Variants in PCDHA12 observed in about 807,000 individuals in gnomAD.
PCDHA12 encodes protocadherin alpha 12.
In PCDHA12, 44 loss-of-function variants were observed where a neutral mutation model predicts 60.0. The ratio of observed to expected loss-of-function variants is 0.73; its 90% CI spans 0.58 to 0.94. PCDHA12 has a LOEUF of 0.94. Ranked by LOEUF, PCDHA12 falls within the 40% of genes least tolerant of loss-of-function variation. The pLI is 0.00. For missense variants in PCDHA12, 1,276 were observed against 1,239.7 expected, an observed-to-expected ratio of 1.03 and a Z score of -0.44; for synonymous variants, 569 against 553.0, an observed-to-expected ratio of 1.03 and a Z score of -0.40.
chr5:140,988,418 G>T (rs1372180292), intron 3 of PCDHA12, among the ~76,000 whole-genome samples: 2 of 152,150 alleles, frequency 1.3e-5, no homozygotes, highest in Non-Finnish European at 2.9e-5. Context: ...CTTATGTAAA[G>T]AATTTGTTTG....
intron 1 of PCDHA12, among the ~76,000 whole-genome samples, chr5:140,890,832 T>G (rs1554184561): frequency 6.6e-6 from 1 of 152,220 alleles, no homozygotes; most frequent in African/African-American, 2.4e-5. Context: ...ACTTACATAT[T>G]TACCAGTTTT....
rs1554167865 is a variant in PCDHA12 at position 140,875,688 on chromosome 5, G to A, written c.216G>A (p.Gly72=). 7 of 1,614,004 alleles carry A rather than the reference G, an allele frequency of 4.3e-6. No homozygotes were observed. The highest frequency in any genetic ancestry group is 4.2e-6 in the Non-Finnish European group (5 of 1,180,034). ...RLFRVASKRH[G]DLLEVNLQNG... ...TCCGGGTGGCGTCCAAAAGACACGG[G>A]GACCTTCTGGAGGTAAATCTGCAGA... Residue 72 remains glycine, a synonymous_variant, in exon 1 of 4, where the codon GGG becomes GGA. Transcript: ENST00000398631.
intron 3 of PCDHA12, among the ~76,000 whole-genome samples, chr5:141,006,271 G>T (rs2098264486): frequency 6.6e-6 from 1 of 151,918 alleles, no homozygotes; most frequent in Non-Finnish European, 1.5e-5. Context: ...GACTGCAGTG[G>T]CACGATCTCA....
intron 1 of PCDHA12, chr5:140,927,274 G>T: frequency 6.2e-7 from 1 of 1,614,100 alleles, no homozygotes; most frequent in Non-Finnish European, 8.5e-7. Context: ...TCCTGCCGGC[G>T]ACGTGCAGCT....
At chr5:140,927,399 TC>T (rs781939330) in intron 1 of PCDHA12, 1 of 1,614,076 alleles carries the variant, frequency 6.2e-7, no homozygotes. Context: ...GTCAGCACTT[TC>T]GCCTGGACAT....
intron 1 of PCDHA12, among the ~76,000 whole-genome samples, chr5:140,948,690 T>C (rs1241278993): frequency 6.6e-6 from 1 of 151,592 alleles, no homozygotes; most frequent in Non-Finnish European, 1.5e-5. Context: ...TTTTTGATAT[T>C]GGTGATTTGT....
At chr5:140,961,083 T>C (rs1470868954) in intron 1 of PCDHA12, among the ~76,000 whole-genome samples, 1 of 152,198 alleles carries the variant, frequency 6.6e-6, no homozygotes, top group Non-Finnish European at 1.5e-5. Context: ...ATCAAGTAAT[T>C]GTTGACTTTT....
intron 1 of PCDHA12, among the ~76,000 whole-genome samples, chr5:140,888,313 G>C (rs1434881975): frequency 6.6e-6 from 1 of 152,154 alleles, no homozygotes; most frequent in Non-Finnish European, 1.5e-5. Context: ...ATTTGGCAAT[G>C]CCTGGATACA....
intron 1 of PCDHA12, chr5:140,883,300 T>C (rs782541976): frequency 6.2e-7 from 1 of 1,613,974 alleles, no homozygotes; most frequent in African/African-American, 1.3e-5. Flanking sequence ...TAGATGTAAA[T>C]GATAACGCCC....
intron 1 of PCDHA12, among the ~76,000 whole-genome samples, chr5:140,942,396 A>G (rs1172739397): frequency 6.6e-6 from 1 of 151,922 alleles, no homozygotes; most frequent in Admixed American, 6.6e-5. Flanking sequence ...TGGGCGACAG[A>G]TGAGACTCTG....
chr5:140,979,122 T>C (rs1271679977), intron 2 of PCDHA12, 115 bp downstream of exon 2: 2 of 1,493,778 alleles, frequency 1.3e-6, no homozygotes, highest in African/African-American at 2.8e-5. Flanking sequence ...TTAGGTACTT[T>C]GCCAGGAAAA....
intron 1 of PCDHA12, among the ~76,000 whole-genome samples, chr5:140,901,939 A>G (rs1583441166): frequency 6.6e-6 from 1 of 151,884 alleles, no homozygotes; most frequent in Non-Finnish European, 1.5e-5. Flanking sequence ...TCCTAGGTAT[A>G]TTTAGTTTTA....
chr5:140,986,291 A>C (rs1554247870), intron 3 of PCDHA12, among the ~76,000 whole-genome samples: 1 of 152,142 alleles, frequency 6.6e-6, no homozygotes, highest in East Asian at 1.9e-4. Context: ...CTTGAGACTG[A>C]GCAGAGAGAG....
chr5:140,929,528 T>C, intron 1 of PCDHA12: 1 of 693,446 alleles, frequency 1.4e-6, no homozygotes, highest in African/African-American at 1.9e-5. Context: ...TAGTTTATTT[T>C]TGAGAAACAA....
intron 1 of PCDHA12, among the ~76,000 whole-genome samples, chr5:140,947,554 G>T (rs977454594): frequency 1.3e-5 from 2 of 151,358 alleles, no homozygotes; most frequent in Non-Finnish European, 3.0e-5. Flanking sequence ...AATTCCGCTG[G>T]GATTTATATT....
chr5:140,901,611 T>C (rs1261733801), intron 1 of PCDHA12, among the ~76,000 whole-genome samples: 1 of 152,204 alleles, frequency 6.6e-6, no homozygotes, highest in Non-Finnish European at 1.5e-5. Flanking sequence ...ATCTCTATGG[T>C]ATAATTTGAA....
intron 3 of PCDHA12, among the ~76,000 whole-genome samples, chr5:140,989,670 C>T (rs907417768): frequency 6.6e-6 from 1 of 152,104 alleles, no homozygotes; most frequent in African/African-American, 2.4e-5. Flanking sequence ...GAAACTCTGC[C>T]CAGATTTCAA....
At chr5:140,989,829 C>A (rs1554251113) in intron 3 of PCDHA12, among the ~76,000 whole-genome samples, 3 of 152,124 alleles carry the variant, frequency 2.0e-5, no homozygotes, top group Non-Finnish European at 2.9e-5. Context: ...TGCCAGGAAG[C>A]CTGTCAATGA....
At chr5:140,881,393 A>T (rs1216651655) in intron 1 of PCDHA12, 1 of 979,528 alleles carries the variant, frequency 1.0e-6, no homozygotes, top group African/African-American at 1.8e-5. Context: ...GGTAAGTTAA[A>T]TTCTATTAAA....
Sources: gnomAD v4.1 joint callset for allele counts (sites outside exome capture counted in the v4.1 genomes callset) on GRCh38, gnomAD v4.1.1 for gene constraint, MANE v1.5 for transcripts, NCBI Gene and HGNC (gene_info 2026-07-23, HGNC 2026-07-21) for gene names.